MAP4K4: variants seen among roughly 807,000 people sequenced by gnomAD.
MAP4K4 encodes the protein mitogen-activated protein kinase kinase kinase kinase 4.
Under a neutral mutation model 189.6 loss-of-function variants are expected in MAP4K4, and 38 were observed. The observed-to-expected ratio is 0.20, with a 90% CI of 0.15 to 0.26. The LOEUF is 0.26. MAP4K4 is among the 10% of genes least tolerant of loss of function. MAP4K4 has a pLI of 1.00. For missense variants in MAP4K4, 1,054 were observed against 1,726.9 expected, an observed-to-expected ratio of 0.61 and a Z score of 6.91; for synonymous variants, 610 against 624.3, an observed-to-expected ratio of 0.98 and a Z score of 0.34.
chr2:101,871,563 C>T, exon 24 of MAP4K4: 1 of 1,536,332 alleles, frequency 6.5e-7, no homozygotes, highest in Non-Finnish European at 8.7e-7. Context: ...TCACCTCTTG[C>T]CAGATCTCTT....
chr2:101,825,384 A>G, exon 5 of MAP4K4: 1 of 1,613,696 alleles, frequency 6.2e-7, no homozygotes, highest in Non-Finnish European at 8.5e-7. Flanking sequence ...AAGGGAACAC[A>G]CTCAAAGAAG....
intron 3 of MAP4K4, among the ~76,000 whole-genome samples, chr2:101,818,945 C>G (rs1391591734): frequency 1.3e-5 from 2 of 152,132 alleles, no homozygotes; most frequent in African/African-American, 4.8e-5. Flanking sequence ...AAAAAGGCCT[C>G]TCTCTCCTCT....
intron 20 of MAP4K4, chr2:101,867,612 C>T (rs1386370893): frequency 1.2e-5 from 4 of 336,340 alleles, no homozygotes; most frequent in Non-Finnish European, 2.2e-5. Flanking sequence ...ATGAAATTTC[C>T]TTCTAAGGAA....
At chr2:101,732,871 G>C (rs2059067703) in intron 2 of MAP4K4, among the ~76,000 whole-genome samples, 1 of 152,250 alleles carries the variant, frequency 6.6e-6, no homozygotes, top group Non-Finnish European at 1.5e-5. Context: ...ACAGGCGTGA[G>C]CCACCGCATC....
chr2:101,797,888 A>ATTTTTTTTTTTTTTTTT (rs1558971586), intron 3 of MAP4K4, among the ~76,000 whole-genome samples: 1 of 7,620 alleles, frequency 1.3e-4, no homozygotes, highest in African/African-American at 7.1e-4. Context: ...ACATTCTTTT[A>ATTTTTTTTTTTTTTTTT]GTTTTTTTTT....
chr2:101,874,750 A>G (rs1315308225), intron 26 of MAP4K4, among the ~76,000 whole-genome samples: 2 of 152,222 alleles, frequency 1.3e-5, no homozygotes, highest in Admixed American at 6.5e-5. Context: ...TACAGTGACT[A>G]TTCTTTTGAC....
At chr2:101,719,127 G>A (rs942887525) in intron 2 of MAP4K4, among the ~76,000 whole-genome samples, 12 of 152,302 alleles carry the variant, frequency 7.9e-5, no homozygotes, top group Non-Finnish European at 1.6e-4. Flanking sequence ...TTAGCTTACA[G>A]AGAGTGAGGG....
chr2:101,825,695 G>A (rs1357428298), intron 5 of MAP4K4, among the ~76,000 whole-genome samples: 2 of 152,162 alleles, frequency 1.3e-5, no homozygotes, highest in African/African-American at 4.8e-5. Flanking sequence ...CCTATTGGCA[G>A]CTTTCCTTTG....
At chr2:101,764,766 T>C (rs2077880963) in intron 2 of MAP4K4, among the ~76,000 whole-genome samples, 1 of 152,200 alleles carries the variant, frequency 6.6e-6, no homozygotes, top group Non-Finnish European at 1.5e-5. Flanking sequence ...CCTGACCTCT[T>C]TGATATTTTG....
At chr2:101,890,977 G>A (rs2098557384) in intron 32 of MAP4K4, among the ~76,000 whole-genome samples, 189 bp from the exon 33 acceptor site, 1 of 152,080 alleles carries the variant, frequency 6.6e-6, no homozygotes, top group African/African-American at 2.4e-5. Flanking sequence ...GGAACTCCTG[G>A]CCTCCCAAAG....
chr2:101,780,833 G>A (rs2086948294), intron 2 of MAP4K4, among the ~76,000 whole-genome samples: 1 of 152,090 alleles, frequency 6.6e-6, no homozygotes, highest in African/African-American at 2.4e-5. Flanking sequence ...TGAATTTCGT[G>A]GTTTGTATTA....
In MAP4K4 at chr2:101,741,191, A is replaced by C. The variant is rs1042588475; in HGVS notation, c.123+42653A>C. Among the ~76,000 whole-genome samples, 4 of 138,232 alleles carry C rather than the reference A, an allele frequency of 2.9e-5. No individual in the cohort carries two copies. The Admixed American group carries it at 3.0e-4, about 10-fold the overall frequency. The allele number at this position is 138,232 out of a possible 152,430, so 90.7% of individuals were successfully genotyped here. A position where few individuals can be genotyped will look rare whatever the true frequency, so the allele number is the denominator to read the frequency against. ...TTTTTTTTTTTTTTTTTTTTGAGAC[A>C]GAGTCTCGCTCTGTTGCCCAGGCTG... On this transcript the variant is annotated intron_variant, in intron 2 of 32. Transcript: ENST00000324219.
intron 2 of MAP4K4, among the ~76,000 whole-genome samples, chr2:101,717,966 A>G (rs917068382): frequency 2.0e-5 from 3 of 151,850 alleles, no homozygotes; most frequent in Non-Finnish European, 4.4e-5. Context: ...AAAAAAAAAA[A>G]GCTATCTTGG....
At chr2:101,842,357 C>T (rs1348138846) in intron 10 of MAP4K4, among the ~76,000 whole-genome samples, 1 of 152,182 alleles carries the variant, frequency 6.6e-6, no homozygotes, top group African/African-American at 2.4e-5. Context: ...CTCAGCAGTA[C>T]ATCCCCATAC....
chr2:101,870,277 T>C lies in MAP4K4; in HGVS notation c.2640-18T>C, dbSNP rs1373531620. ...TCCAGAGATTAAGGCCTTTCACGTC[T>C]GGATTTTTTCTCCATAGGTCATCTC... On this transcript the variant is annotated intron_variant, in intron 22 of 32. Transcript: ENST00000324219. The C allele has an allele frequency of 1.2e-6, 2 of 1,610,970 alleles. No individual in the cohort carries two copies. Among genetic ancestry groups the C allele is most frequent in the Non-Finnish European group, 8.5e-7 (1 of 1,178,340 alleles).
chr2:101,775,967 C>T (rs182410061), intron 2 of MAP4K4, among the ~76,000 whole-genome samples: 28 of 152,292 alleles, frequency 1.8e-4, no homozygotes, highest in Admixed American at 4.6e-4. Context: ...TTTCACATGT[C>T]GGGGAGATAG....
chr2:101,872,609 A>G (rs1002031162), intron 24 of MAP4K4, among the ~76,000 whole-genome samples: 5 of 152,164 alleles, frequency 3.3e-5, no homozygotes, highest in African/African-American at 1.2e-4. Context: ...CCGGAGGAGC[A>G]GTGGCAAGTC....
intron 29 of MAP4K4, 85 bp from the exon 30 acceptor site, chr2:101,887,003 T>G (rs994372616): frequency 9.7e-7 from 1 of 1,026,200 alleles, no homozygotes; most frequent in Non-Finnish European, 1.4e-6. Context: ...CCAGCCTGGG[T>G]GACAGAGCGA....
chr2:101,860,933 A>G lies in MAP4K4; in HGVS notation c.1813A>G (p.Asn605Asp), dbSNP rs746840228. The G allele has an allele frequency of 3.7e-6, 6 of 1,605,930 alleles. No homozygotes were observed. In the Middle Eastern group the frequency reaches 6.6e-4, roughly 176 times the overall value. Residue 605 changes from asparagine (N) to aspartate (D), a missense_variant, in exon 16 of 33, where the codon AAT becomes GAT. Physicochemically the swap from Asn to Asp is conservative, Grantham distance 23. This residue lies in a region of MAP4K4 where 646 missense variants were observed against 796.2 expected (regional missense o/e 0.81). Transcript: ENST00000324219. Reference sequence around the variant, plus strand: ...GCCTTCCCGATCAGAGTCTTTTTCCAATGGCAACTCCGAGTCTGTGCATCC... The same window carrying G: ...GCCTTCCCGATCAGAGTCTTTTTCCGATGGCAACTCCGAGTCTGTGCATCC...
Sources: gnomAD v4.1 joint callset for allele counts (sites outside exome capture counted in the v4.1 genomes callset) on GRCh38, gnomAD v4.1.1 for gene constraint, gnomAD v4.1.1 regional missense constraint, MANE v1.5 for transcripts, NCBI Gene and HGNC (gene_info 2026-07-23, HGNC 2026-07-21) for gene names.